The following TLK1 variants were observed in gnomAD, a reference collection of about 807,000 sequenced individuals.
The protein encoded by TLK1 is serine/threonine-protein kinase tousled-like 1.
In TLK1, 24 loss-of-function variants were observed where a neutral mutation model predicts 105.3. That is an observed-to-expected ratio of 0.23 (90% CI 0.17 to 0.32). The LOEUF (loss-of-function observed/expected upper bound fraction) is 0.32, where lower values mean the gene tolerates loss of function less well. Among genes scored for constraint, TLK1 ranks in the 10% least tolerant of loss-of-function variants. The probability of loss-of-function intolerance (pLI) is 1.00; values close to 1 mark genes in which losing one functional copy is unlikely to be tolerated. For missense variants in TLK1, 558 were observed against 910.5 expected (o/e 0.61, Z 4.98); for synonymous variants, 321 against 310.4 (o/e 1.03, Z -0.36).
intron 1 of TLK1, among the ~76,000 whole-genome samples, chr2:171,125,179 C>T (rs1690817732): frequency 6.6e-6 from 1 of 152,128 alleles, no homozygotes. Flanking sequence ...TTGGTGGCAG[C>T]CTCATTTTCA....
At chr2:171,065,542 T>A (rs1243430669) in intron 3 of TLK1, among the ~76,000 whole-genome samples, 3 of 956 alleles carry the variant, frequency 3.1e-3, no homozygotes, top group African/African-American at 3.2e-3. Context: ...CTATTCTTTC[T>A]TTTTTTTTTT....
At chr2:171,082,905 C>T (rs890621630) in intron 2 of TLK1, 53 bp from the exon 3 acceptor site, 20 of 1,248,502 alleles carry the variant, frequency 1.6e-5, no homozygotes, top group East Asian at 9.5e-5. Context: ...TTTAAAGCAG[C>T]GGGAATAATT....
At chr2:171,120,941 A>G (rs1470627084) in intron 1 of TLK1, among the ~76,000 whole-genome samples, 1 of 152,252 alleles carries the variant, frequency 6.6e-6, no homozygotes, top group Non-Finnish European at 1.5e-5. Context: ...GTATCTACAT[A>G]CAATGGAATA....
chr2:171,150,308 C>A (rs1325341969), intron 1 of TLK1, among the ~76,000 whole-genome samples: 1 of 152,084 alleles, frequency 6.6e-6, no homozygotes, highest in Admixed American at 6.6e-5. Flanking sequence ...AAAAAGGAGG[C>A]TTTTACTCAG....
chr2:171,134,518 G>C (rs7603316), intron 1 of TLK1, among the ~76,000 whole-genome samples: 61,226 of 151,870 alleles, frequency 0.4, 14,073 homozygotes, highest in African/African-American at 0.61. Flanking sequence ...AAATGGCCAA[G>C]AAATGAAAAG....
chr2:171,044,596 T>G (rs918717885), intron 11 of TLK1, among the ~76,000 whole-genome samples: 4 of 152,108 alleles, frequency 2.6e-5, no homozygotes, highest in African/African-American at 9.7e-5. Flanking sequence ...AATTTTGATG[T>G]CAGCAGGATG....
chr2:171,073,268 G>A (rs551129200), intron 3 of TLK1, among the ~76,000 whole-genome samples: 14 of 152,260 alleles, frequency 9.2e-5, no homozygotes, highest in Non-Finnish European at 1.6e-4. Context: ...AGTGGTGAAG[G>A]TGGGCACTCT....
At chr2:171,011,492 C>T (rs1255909970) in intron 13 of TLK1, 38 bp from the exon 14 acceptor site, 2 of 1,566,632 alleles carry the variant, frequency 1.3e-6, no homozygotes, top group Non-Finnish European at 1.7e-6. Context: ...TATTAAAACA[C>T]ACACATAAAA....
intron 18 of TLK1, among the ~76,000 whole-genome samples, chr2:171,003,273 C>CGAAAAA (rs1684481904): frequency 1.5e-5 from 1 of 68,508 alleles, no homozygotes; most frequent in African/African-American, 8.2e-5. Context: ...GACTCCGTCT[C>CGAAAAA]AAAAAAAAAA....
In TLK1 at chr2:171,006,793, C is replaced by A; in HGVS notation, c.1598+7G>T. The A allele has an allele frequency of 6.2e-7, 1 of 1,610,658 alleles. No individual in the cohort carries two copies. Among genetic ancestry groups the A allele is most frequent in the South Asian group, 1.1e-5 (1 of 90,928 alleles). On this transcript the variant is annotated splice_region_variant and intron_variant, in intron 16 of 20. Transcript: ENST00000431350. ...TCCTTAAAAATTGAACCTTAATATTCACTTACGTATCTGTATCCAAGGAGA... is the reference window on the plus strand; with the variant it reads ...TCCTTAAAAATTGAACCTTAATATTAACTTACGTATCTGTATCCAAGGAGA...
intron 1 of TLK1, among the ~76,000 whole-genome samples, chr2:171,133,956 A>C (rs1336111019): frequency 6.6e-6 from 1 of 151,978 alleles, no homozygotes; most frequent in Non-Finnish European, 1.5e-5. Flanking sequence ...ACCTTCTCCC[A>C]AGTAGCTGAG....
At chr2:171,118,747 C>T (rs1003821668) in intron 1 of TLK1, among the ~76,000 whole-genome samples, 4 of 152,170 alleles carry the variant, frequency 2.6e-5, no homozygotes, top group African/African-American at 9.7e-5. Flanking sequence ...AAGGATATTA[C>T]CAGAATCCAG....
intron 2 of TLK1, among the ~76,000 whole-genome samples, chr2:171,090,325 G>C (rs1334041643): frequency 6.6e-6 from 1 of 151,608 alleles, no homozygotes; most frequent in Admixed American, 6.6e-5. Flanking sequence ...TTTAATATAT[G>C]ATTTATAATC....
At chr2:171,146,059 A>C (rs2105586878) in intron 1 of TLK1, among the ~76,000 whole-genome samples, 1 of 152,324 alleles carries the variant, frequency 6.6e-6, no homozygotes, top group East Asian at 1.9e-4. Flanking sequence ...CTTCAATATG[A>C]AAGATAAAAT....
chr2:171,032,156 G>C (rs1005214363), intron 11 of TLK1, among the ~76,000 whole-genome samples: 4 of 152,086 alleles, frequency 2.6e-5, no homozygotes, highest in Non-Finnish European at 5.9e-5. Context: ...GGTGAAAATG[G>C]AAAGATTTTC....
intron 12 of TLK1, among the ~76,000 whole-genome samples, chr2:171,015,876 C>G (rs1443081646): frequency 6.6e-6 from 1 of 151,822 alleles, no homozygotes; most frequent in Non-Finnish European, 1.5e-5. Flanking sequence ...GTCGGGAGTT[C>G]GAGACCAGCC....
intron 11 of TLK1, among the ~76,000 whole-genome samples, chr2:171,044,525 T>A (rs1210645107): frequency 6.6e-6 from 1 of 152,176 alleles, no homozygotes; most frequent in Non-Finnish European, 1.5e-5. Flanking sequence ...AAGCAGGATG[T>A]GATATTCAAG....
At chr2:171,194,703 G>C (rs555570789) in intron 1 of TLK1, among the ~76,000 whole-genome samples, 12 of 147,340 alleles carry the variant, frequency 8.1e-5, no homozygotes, top group Non-Finnish European at 1.6e-4. Context: ...TGTAGTCCCA[G>C]CTACTCCGGA....
chr2:171,005,797 A>G (rs1386042076), intron 18 of TLK1, among the ~76,000 whole-genome samples: 1 of 152,218 alleles, frequency 6.6e-6, no homozygotes, highest in Non-Finnish European at 1.5e-5. Context: ...TGCAATAGTT[A>G]AAATATTATA....
Sources: allele counts gnomAD v4.1 joint callset (sites outside exome capture counted in the v4.1 genomes callset), GRCh38; gene constraint gnomAD v4.1.1; transcripts MANE v1.5; gene names NCBI Gene and HGNC (gene_info 2026-07-23, HGNC 2026-07-21).